TNFSF4: variants seen among roughly 807,000 people sequenced by gnomAD.
TNFSF4 encodes tumor necrosis factor ligand superfamily member 4.
A neutral mutation model predicts 7.3 loss-of-function variants in TNFSF4; 4 were observed. The ratio of observed to expected loss-of-function variants is 0.55; its 90% confidence interval spans 0.27 to 1.25. The LOEUF is 1.25. TNFSF4 is among the 50% of genes most tolerant of loss of function. The pLI is 0.12. For missense variants in TNFSF4, 181 were observed against 208.8 expected (o/e 0.87, Z 0.82); for synonymous variants, 76 against 83.7 (o/e 0.91, Z 0.50).
At chr1:173,407,984 T>A in the TNFSF4 span, among the ~76,000 whole-genome samples, 11 of 152,226 alleles carry the variant, frequency 7.2e-5, no homozygotes, top group African/African-American at 2.4e-4. Flanking sequence ...CCTTGCCCCT[T>A]ACACAGCCAG....
chr1:173,173,217 A>C, the TNFSF4 span, among the ~76,000 whole-genome samples: 1 of 152,076 alleles, frequency 6.6e-6, no homozygotes, highest in Admixed American at 6.5e-5. Context: ...GTCCCTCCCA[A>C]ATCTCCTGTT....
downstream of TNFSF4, among the ~76,000 whole-genome samples, chr1:173,181,504 A>G (rs1199139406): frequency 6.6e-6 from 1 of 152,178 alleles, no homozygotes; most frequent in Non-Finnish European, 1.5e-5. Flanking sequence ...ATCAAAGTCA[A>G]TCAGTTCCAT....
the TNFSF4 span, among the ~76,000 whole-genome samples, chr1:173,333,338 A>C: frequency 6.6e-6 from 1 of 152,118 alleles, no homozygotes; most frequent in Non-Finnish European, 1.5e-5. Context: ...AAAAAACATA[A>C]AAGCTGACCC....
chr1:173,319,527 C>T, the TNFSF4 span, among the ~76,000 whole-genome samples: 1 of 152,216 alleles, frequency 6.6e-6, no homozygotes, highest in African/African-American at 2.4e-5. Context: ...ACTGCCTCCT[C>T]AAGTGGGTCC....
At chr1:173,301,572 A>G in the TNFSF4 span, among the ~76,000 whole-genome samples, 1 of 151,886 alleles carries the variant, frequency 6.6e-6, no homozygotes, top group Admixed American at 6.6e-5. Flanking sequence ...TATTCTTTGC[A>G]TGAATGACTC....
chr1:173,233,698 C>T, the TNFSF4 span, among the ~76,000 whole-genome samples: 1 of 152,144 alleles, frequency 6.6e-6, no homozygotes, highest in East Asian at 1.9e-4. Flanking sequence ...GGGAAATAGT[C>T]GCTGAATTAA....
the TNFSF4 span, among the ~76,000 whole-genome samples, chr1:173,249,498 C>T: frequency 6.6e-6 from 1 of 152,188 alleles, no homozygotes; most frequent in Non-Finnish European, 1.5e-5. Flanking sequence ...GCTAAGTGTT[C>T]TGTTCCTTGT....
At chr1:173,336,808 T>C in the TNFSF4 span, among the ~76,000 whole-genome samples, 2 of 152,086 alleles carry the variant, frequency 1.3e-5, no homozygotes, top group African/African-American at 2.4e-5. Flanking sequence ...TTTTTAGGGA[T>C]ACAGTGGTAT....
downstream of TNFSF4, among the ~76,000 whole-genome samples, chr1:173,180,905 T>G (rs1649044475): frequency 6.6e-6 from 1 of 152,142 alleles, no homozygotes; most frequent in Non-Finnish European, 1.5e-5. Context: ...TTTACTTCTC[T>G]CAAGGAAACA....
the TNFSF4 span, among the ~76,000 whole-genome samples, chr1:173,443,909 A>G: frequency 6.6e-6 from 1 of 152,212 alleles, no homozygotes. Context: ...ATTGAAATGT[A>G]GAGAAAGCCC....
At chr1:173,177,316 A>G in the TNFSF4 span, among the ~76,000 whole-genome samples, 2 of 152,184 alleles carry the variant, frequency 1.3e-5, no homozygotes, top group African/African-American at 4.8e-5. Context: ...GCTGGAAGCC[A>G]TTATACTAAG....
chr1:173,368,176 G>T, the TNFSF4 span, among the ~76,000 whole-genome samples: 2 of 152,112 alleles, frequency 1.3e-5, no homozygotes, highest in African/African-American at 4.8e-5. Context: ...GGGAATAAAA[G>T]TTGGCCACCC....
chr1:173,302,594 A>G, the TNFSF4 span, among the ~76,000 whole-genome samples: 7 of 151,962 alleles, frequency 4.6e-5, no homozygotes, highest in Admixed American at 4.6e-4. Context: ...ACAGGGTATG[A>G]CATCAGTTCC....
At chr1:173,204,292 A>T (rs749646743) in intron 1 of TNFSF4, among the ~76,000 whole-genome samples, 32 of 152,214 alleles carry the variant, frequency 2.1e-4, no homozygotes, top group African/African-American at 7.5e-4. Flanking sequence ...CTACTTTCTC[A>T]TAATACAGAT....
At chr1:173,199,863 G>C (rs1448369904) in intron 1 of TNFSF4, among the ~76,000 whole-genome samples, 1 of 152,048 alleles carries the variant, frequency 6.6e-6, no homozygotes, top group African/African-American at 2.4e-5. Context: ...AAATGCAGAG[G>C]AAAGTAAGAC....
At chr1:173,394,911 G>GAT in the TNFSF4 span, among the ~76,000 whole-genome samples, 3 of 149,636 alleles carry the variant, frequency 2.0e-5, no homozygotes, top group African/African-American at 7.5e-5. Context: ...TTAATATTTA[G>GAT]ATAGATAGAG....
the TNFSF4 span, among the ~76,000 whole-genome samples, chr1:173,324,527 T>C: frequency 2.6e-5 from 4 of 152,156 alleles, no homozygotes; most frequent in Admixed American, 2.6e-4. Flanking sequence ...TAACCTTAAA[T>C]GTAAATGGAC....
chr1:173,415,447 G>C, the TNFSF4 span, among the ~76,000 whole-genome samples: 15 of 152,178 alleles, frequency 9.9e-5, no homozygotes, highest in Non-Finnish European at 1.8e-4. Context: ...GAGAATAAAG[G>C]GAAGAAAACA....
chr1:173,400,075 A>C, the TNFSF4 span, among the ~76,000 whole-genome samples: 1 of 152,234 alleles, frequency 6.6e-6, no homozygotes, highest in Non-Finnish European at 1.5e-5. Context: ...ACTACCATCC[A>C]TAAGCTTACA....
Sources: gnomAD v4.1 joint callset for allele counts (sites outside exome capture counted in the v4.1 genomes callset) on GRCh38, gnomAD v4.1.1 for gene constraint, MANE v1.5 for transcripts, NCBI Gene and HGNC (gene_info 2026-07-23, HGNC 2026-07-21) for gene names.